HOXD3: variants seen among roughly 807,000 people sequenced by gnomAD.
HOXD3 encodes homeobox D3, also known as homeobox protein Hox-D3.
In HOXD3, 13 loss-of-function variants were observed where a neutral mutation model predicts 32.8. The ratio of observed to expected loss-of-function variants is 0.40; its 90% CI spans 0.26 to 0.63. The LOEUF (loss-of-function observed/expected upper bound fraction) is 0.63, where lower values mean the gene tolerates loss of function less well. Among genes scored for constraint, HOXD3 ranks in the 20% least tolerant of loss-of-function variants. HOXD3 has a pLI of 0.44. For missense variants in HOXD3, 504 were observed against 577.1 expected, an observed-to-expected ratio of 0.87 and a Z score of 1.30; for synonymous variants, 241 against 246.8, an observed-to-expected ratio of 0.98 and a Z score of 0.22.
chr2:176,156,290 T>C (rs1690642193), upstream of HOXD3, among the ~76,000 whole-genome samples: 2 of 152,186 alleles, frequency 1.3e-5, no homozygotes, highest in Admixed American at 1.3e-4. Context: ...GCCACCATAT[T>C]TTGTGAGCAT....
intron 2 of HOXD3, among the ~76,000 whole-genome samples, chr2:176,168,302 C>G (rs1473059580): frequency 6.6e-6 from 1 of 150,786 alleles, no homozygotes; most frequent in Admixed American, 6.6e-5. Flanking sequence ...CGCAGTGGCT[C>G]ACACCTGTAA....
intron 2 of HOXD3, among the ~76,000 whole-genome samples, chr2:176,168,511 A>C (rs1376092292): frequency 6.6e-6 from 1 of 151,552 alleles, no homozygotes; most frequent in Non-Finnish European, 1.5e-5. Context: ...AGGTTGCAGT[A>C]AGCTGAGATC....
intron 2 of HOXD3, among the ~76,000 whole-genome samples, chr2:176,168,255 T>C (rs1691044534): frequency 1.2e-5 from 1 of 83,640 alleles, no homozygotes; most frequent in African/African-American, 5.8e-5. Context: ...TAAGACCCTG[T>C]CTCTACAAAA....
chr2:176,157,312 C>A lies in HOXD3; in HGVS notation c.-321C>A, dbSNP rs114769208. ...GCACGTCCCTTAAGAAACACGGAGT[C>A]GTCATTAATCTGCCACGCAAAGGGC... On this transcript the variant is annotated 5_prime_UTR_variant, in exon 1 of 4. Coordinates refer to ENST00000683222, the MANE Select transcript of HOXD3 (RefSeq NM_006898.5). Among the ~76,000 whole-genome samples, 45 of 152,220 alleles carry A rather than the reference C, an allele frequency of 3.0e-4. No homozygotes were observed. The highest frequency in any genetic ancestry group is 1.0e-3 in the African/African-American group (43 of 41,544).
intron 1 of HOXD3, among the ~76,000 whole-genome samples, chr2:176,161,542 C>A (rs1403020602): frequency 6.6e-6 from 1 of 152,090 alleles, no homozygotes; most frequent in African/African-American, 2.4e-5. Context: ...TGGGTGCAGG[C>A]GGGTTGATTT....
intron 1 of HOXD3, among the ~76,000 whole-genome samples, chr2:176,160,650 A>G (rs547097191): frequency 0.011 from 1,620 of 152,274 alleles, 65 homozygotes; most frequent in South Asian, 0.095. Flanking sequence ...GTATTTCCCG[A>G]CTATGAGGGG....
At chr2:176,168,919 C>T in intron 2 of HOXD3, 112 bp from the exon 3 acceptor site, 1 of 695,030 alleles carries the variant, frequency 1.4e-6, no homozygotes, top group Non-Finnish European at 2.2e-6. Context: ...GCACCTTGCC[C>T]ATCTCCCCGC....
intron 1 of HOXD3, 34 bp from the exon 2 acceptor site, chr2:176,164,039 C>T (rs1542180): frequency 0.51 from 77,295 of 151,902 alleles, 21,413 homozygotes; most frequent in East Asian, 0.74. Context: ...AAGCAAGAAC[C>T]GGCTGCTACT....
chr2:176,152,953 C>G (rs747308939), upstream of HOXD3: 1 of 1,612,962 alleles, frequency 6.2e-7, no homozygotes, highest in South Asian at 1.1e-5. This position sits in a 1 kb window ranked among gnomAD's most constrained non-coding sequence, Gnocchi z 5.2. Context: ...AAGTGGGGAC[C>G]CTGGGCCCAT....
Position 176,172,361 on chromosome 2 carries a change from G to T in HOXD3, c.*87G>T. 1 of 1,318,490 alleles carries T rather than the reference G, an allele frequency of 7.6e-7. No individual in the cohort carries two copies. Among genetic ancestry groups the T allele is most frequent in the South Asian group, 1.5e-5 (1 of 68,262 alleles). The allele number at this position is 1,318,490 out of a possible 1,614,324, so 81.7% of individuals were successfully genotyped here. A position where few individuals can be genotyped will look rare whatever the true frequency, so the allele number is the denominator to read the frequency against. On this transcript the variant is annotated 3_prime_UTR_variant, in exon 4 of 4. Coordinates refer to ENST00000683222, the MANE Select transcript of HOXD3 (RefSeq NM_006898.5). ...GGGTGGGGCCCGCGGGGCAGTTCGG[G>T]AACCCCCTTCCCCGCTCTTGCCCTG... is the stretch of plus-strand genomic sequence containing the variant.
chr2:176,172,110 C>T lies in HOXD3; in HGVS notation c.1135C>T (p.Leu379Phe). Reference protein sequence around the residue: ...ASGPVFNLGHLSHPSSASVDY... With the variant: ...ASGPVFNLGHFSHPSSASVDY... ...CGGGCCTGTCTTCAACCTGGGCCAC[C>T]TCTCGCACCCGTCGTCGGCCAGCGT... Residue 379 changes from leucine to phenylalanine, a missense_variant, in exon 4 of 4, where the codon CTC (leucine) becomes TTC (phenylalanine). Transcript: ENST00000683222. The T allele has an allele frequency of 1.2e-6, 2 of 1,612,856 alleles. No individual in the cohort carries two copies. The highest frequency in any genetic ancestry group is 1.7e-5 in the Admixed American group (1 of 60,024).
At chr2:176,152,542 C>A, upstream of HOXD3, 1 of 1,363,480 alleles carries the variant, frequency 7.3e-7, no homozygotes, top group East Asian at 2.3e-5. This position sits in a 1 kb window ranked among gnomAD's most constrained non-coding sequence, Gnocchi z 5.2. Flanking sequence ...AAGTGAGCGG[C>A]GGAGGCGAGG....
At chr2:176,159,149 G>GC (rs1355225422) in intron 1 of HOXD3, among the ~76,000 whole-genome samples, 2 of 149,228 alleles carry the variant, frequency 1.3e-5, no homozygotes, top group Non-Finnish European at 3.0e-5. Flanking sequence ...CCGCAAAGCA[G>GC]CCCCCCTCTT....
chr2:176,165,763 G>T (rs1690952149), intron 2 of HOXD3: 1 of 152,098 alleles, frequency 6.6e-6, no homozygotes, highest in Non-Finnish European at 1.5e-5. Context: ...TTCACCCCAA[G>T]ACATTTGGGT....
intron 3 of HOXD3, among the ~76,000 whole-genome samples, chr2:176,170,952 T>C (rs1333466566): frequency 6.6e-6 from 1 of 152,192 alleles, no homozygotes; most frequent in East Asian, 1.9e-4. Flanking sequence ...TTTTTTGGTT[T>C]GTCACCTCCC....
upstream of HOXD3, among the ~76,000 whole-genome samples, chr2:176,153,707 A>G (rs1173708244): frequency 6.6e-6 from 1 of 152,176 alleles, no homozygotes. Context: ...AAATGTATAT[A>G]GGGGGGCCTT....
At chr2:176,157,933 C>T (rs1485627639) in intron 1 of HOXD3, among the ~76,000 whole-genome samples, 1 of 152,216 alleles carries the variant, frequency 6.6e-6, no homozygotes, top group Non-Finnish European at 1.5e-5. Flanking sequence ...ATTCTTAAAC[C>T]GGTGAGAAAA....
Position 176,169,015 on chromosome 2 carries a change from G to A in HOXD3, c.-84-16G>A, listed in dbSNP as rs555258393. The A allele has an allele frequency of 1.3e-6, 2 of 1,485,004 alleles. No individual in the cohort carries two copies. The highest frequency in any genetic ancestry group is 1.8e-6 in the Non-Finnish European group (2 of 1,118,906). The allele number at this position is 1,485,004 out of a possible 1,614,324, so 92.0% of individuals were successfully genotyped here. ...AATGACACTCCCTCTGGGGCCTCTT[G>A]CTTTTCTTCTGACAGGTCACCTGGA... On this transcript the variant is annotated splice_polypyrimidine_tract_variant and intron_variant, in intron 2 of 3. Coordinates refer to ENST00000683222, the MANE Select transcript of HOXD3 (RefSeq NM_006898.5).
chr2:176,169,570 C>G lies in HOXD3; in HGVS notation c.456C>G (p.Ser152=). 1.2e-6 allele frequency: 2 copies of G among 1,613,978 alleles called. No individual in the cohort carries two copies. The highest frequency in any genetic ancestry group is 2.2e-5 in the East Asian group (1 of 44,838). The change falls in exon 3 of 4, where the codon TCC becomes TCG. Residue 152 remains serine (S), a synonymous_variant. Transcript: ENST00000683222. ...AAGGTGGGCCCAATGCTTCTAGCTC[C>G]TCAGCCACCATCAGCAAGCAGATCT... ...KPKGGPNASS[S]SATISKQIFP...
Sources: gnomAD v4.1 joint callset for allele counts (sites outside exome capture counted in the v4.1 genomes callset) on GRCh38, gnomAD v4.1.1 for gene constraint, Gnocchi (gnomAD v3.1) non-coding constraint, MANE v1.5 for transcripts, NCBI Gene and HGNC (gene_info 2026-07-23, HGNC 2026-07-21) for gene names.